GRM7: variants seen among roughly 807,000 people sequenced by gnomAD.
GRM7 encodes the protein glutamate metabotropic receptor 7.
GRM7 carries 35 observed loss-of-function variants against 84.5 expected under a neutral mutation model. That is an observed-to-expected ratio of 0.41 (90% CI 0.32 to 0.55). The LOEUF (loss-of-function observed/expected upper bound fraction) is 0.55, where lower values mean the gene tolerates loss of function less well. Among genes scored for constraint, GRM7 ranks in the 20% least tolerant of loss-of-function variants. The pLI is 0.19. For missense variants in GRM7, 1,003 were observed against 1,194.6 expected (o/e 0.84, Z 2.36); for synonymous variants, 487 against 455.1 (o/e 1.07, Z -0.89).
At chr3:6,946,460 T>A (rs1452229714) in intron 1 of GRM7, among the ~76,000 whole-genome samples, 5 of 152,222 alleles carry the variant, frequency 3.3e-5, no homozygotes, top group Non-Finnish European at 7.3e-5. Context: ...TTGGTTACTG[T>A]AGCCCTGTAG....
chr3:7,365,198 T>TTC (rs1173472668), intron 4 of GRM7, among the ~76,000 whole-genome samples: 1 of 151,772 alleles, frequency 6.6e-6, no homozygotes, highest in Non-Finnish European at 1.5e-5. Context: ...TTTCTGATTG[T>TTC]TTAAGGCACT....
chr3:7,087,140 A>T (rs1698485686), intron 1 of GRM7, among the ~76,000 whole-genome samples: 1 of 152,192 alleles, frequency 6.6e-6, no homozygotes, highest in Admixed American at 6.6e-5. Flanking sequence ...ATTGATAAGC[A>T]TGTGCTTTCT....
At chr3:7,419,983 A>G (rs2124824434) in intron 5 of GRM7, among the ~76,000 whole-genome samples, 1 of 152,272 alleles carries the variant, frequency 6.6e-6, no homozygotes, top group East Asian at 1.9e-4. Context: ...TAAAGAGCGT[A>G]CTCTGATAAA....
At chr3:7,184,817 A>T (rs1460751597) in intron 2 of GRM7, among the ~76,000 whole-genome samples, 2 of 152,072 alleles carry the variant, frequency 1.3e-5, no homozygotes, top group Non-Finnish European at 2.9e-5. Context: ...ACTTGATTTC[A>T]CTATTGTTGA....
At chr3:7,689,626 A>G (rs1700722154) in intron 9 of GRM7, among the ~76,000 whole-genome samples, 2 of 152,214 alleles carry the variant, frequency 1.3e-5, no homozygotes, top group South Asian at 4.1e-4. Context: ...TGCCGTCTTA[A>G]GTTCAACTTA....
chr3:7,527,236 T>C (rs1700843045), intron 7 of GRM7, among the ~76,000 whole-genome samples: 1 of 152,084 alleles, frequency 6.6e-6, no homozygotes. Flanking sequence ...CTAGAGATCT[T>C]TCACCCCCTT....
At chr3:7,050,948 G>C (rs766291031) in intron 1 of GRM7, among the ~76,000 whole-genome samples, 9 of 151,804 alleles carry the variant, frequency 5.9e-5, no homozygotes, top group African/African-American at 1.4e-4. Flanking sequence ...GGTTAAATAT[G>C]CTTACATTGT....
chr3:7,264,840 G>C (rs563866842), intron 2 of GRM7, among the ~76,000 whole-genome samples: 9 of 145,978 alleles, frequency 6.2e-5, no homozygotes, highest in African/African-American at 2.1e-4. Context: ...GAGTTACCTC[G>C]GGTCTCCTAG....
At chr3:7,260,100 A>G (rs1040865304) in intron 2 of GRM7, among the ~76,000 whole-genome samples, 4 of 151,814 alleles carry the variant, frequency 2.6e-5, no homozygotes, top group African/African-American at 9.7e-5. Flanking sequence ...CTTCTTTTGA[A>G]AAGTGTCTGT....
chr3:7,424,222 C>A (rs182141542), intron 5 of GRM7, among the ~76,000 whole-genome samples: 2 of 151,730 alleles, frequency 1.3e-5, no homozygotes, highest in East Asian at 1.9e-4. Context: ...GGCGCTCAAC[C>A]GGTTTAGGTG....
chr3:7,261,574 G>C (rs1698423492), intron 2 of GRM7, among the ~76,000 whole-genome samples: 1 of 152,056 alleles, frequency 6.6e-6, no homozygotes, highest in African/African-American at 2.4e-5. Context: ...CTTTTAATTG[G>C]GGCATTTAGC....
rs563189348 is a variant in GRM7, at chr3:7,533,706, C to T, written c.1516-44716C>T. Among the ~76,000 whole-genome samples the T allele has an allele frequency of 2.8e-4, 42 of 152,234 alleles. 1 individual carries two copies. Among genetic ancestry groups the T allele is most frequent in the South Asian group, 1.0e-3 (5 of 4,810 alleles). ...CTGTTTAGTGATTGACTGTCATCTT[C>T]CTTGTTGAAATCAATAGGAGACTCA... On this transcript the variant is annotated intron_variant, in intron 7 of 9. Coordinates refer to ENST00000357716, the MANE Select transcript of GRM7 (RefSeq NM_000844.4).
chr3:7,375,584 C>T lies in GRM7; in HGVS notation c.1034-39439C>T, dbSNP rs117300180. Among the ~76,000 whole-genome samples, 15 of 152,192 alleles carry T rather than the reference C, an allele frequency of 9.9e-5. No individual in the cohort carries two copies. The East Asian group carries it at 2.7e-3, about 28-fold the overall frequency. ...GCTTCCCCAGACTTCATGTCATTCC[C>T]CTATCACATGCCCATGCCCTGCTCT... is the stretch of plus-strand genomic sequence containing the variant. On this transcript the variant is annotated intron_variant, in intron 4 of 9. Coordinates refer to ENST00000357716, the MANE Select transcript of GRM7 (RefSeq NM_000844.4).
At chr3:7,194,296 T>C (rs1335078787) in intron 2 of GRM7, among the ~76,000 whole-genome samples, 1 of 152,068 alleles carries the variant, frequency 6.6e-6, no homozygotes, top group African/African-American at 2.4e-5. Context: ...TTTCTCCTCA[T>C]TGAAATAGAG....
At chr3:7,616,859 T>G (rs1697104204) in intron 8 of GRM7, among the ~76,000 whole-genome samples, 1 of 152,154 alleles carries the variant, frequency 6.6e-6, no homozygotes, top group South Asian at 2.1e-4. Flanking sequence ...AAGTGAAAGT[T>G]GTGCTTTCTG....
intron 2 of GRM7, among the ~76,000 whole-genome samples, chr3:7,226,444 G>A (rs1332007136): frequency 1.3e-5 from 2 of 152,120 alleles, no homozygotes; most frequent in Non-Finnish European, 2.9e-5. Context: ...GTTCCCTATC[G>A]TGTTGTCTTC....
intron 4 of GRM7, among the ~76,000 whole-genome samples, chr3:7,387,341 G>T (rs1482916269): frequency 6.6e-6 from 1 of 152,108 alleles, no homozygotes; most frequent in Non-Finnish European, 1.5e-5. Flanking sequence ...TCCTTTTGGG[G>T]TTTTCATCAT....
intron 1 of GRM7, among the ~76,000 whole-genome samples, chr3:6,992,633 A>G (rs748976993): frequency 1.5e-4 from 23 of 152,226 alleles, no homozygotes; most frequent in Non-Finnish European, 5.9e-5. Context: ...TACAGGGGCC[A>G]AAAGAGGAAA....
chr3:7,544,390 A>G (rs2125018459), intron 7 of GRM7, among the ~76,000 whole-genome samples: 1 of 152,216 alleles, frequency 6.6e-6, no homozygotes, highest in South Asian at 2.1e-4. Context: ...TCCTGGCTTC[A>G]AGTCATCCTC....
Sources: allele counts gnomAD v4.1 joint callset (sites outside exome capture counted in the v4.1 genomes callset), GRCh38; gene constraint gnomAD v4.1.1; transcripts MANE v1.5; gene names NCBI Gene and HGNC (gene_info 2026-07-23, HGNC 2026-07-21).